SDK1: variants seen among roughly 807,000 people sequenced by gnomAD.
The protein encoded by SDK1 is sidekick cell adhesion molecule 1, also known as protein sidekick-1.
SDK1 carries 157 observed loss-of-function variants against 245.5 expected under a neutral mutation model. The ratio of observed to expected loss-of-function variants is 0.64; its 90% CI spans 0.56 to 0.73. SDK1 has a LOEUF of 0.73. Ranked by LOEUF, SDK1 falls within the 30% of genes least tolerant of loss-of-function variation. The pLI is 0.00. For missense variants in SDK1, 3,583 were observed against 3,002.3 expected (o/e 1.19, Z -4.52); for synonymous variants, 1,647 against 1,278.5 (o/e 1.29, Z -6.15).
chr7:3,736,978 G>C (rs942066393), intron 4 of SDK1, among the ~76,000 whole-genome samples: 10 of 152,174 alleles, frequency 6.6e-5, no homozygotes, highest in African/African-American at 2.4e-4. Flanking sequence ...CTGTTTCTAA[G>C]AGTTGTACTT....
intron 1 of SDK1, among the ~76,000 whole-genome samples, chr7:3,465,926 T>C (rs1281923515): frequency 6.6e-6 from 1 of 152,164 alleles, no homozygotes; most frequent in Non-Finnish European, 1.5e-5. Context: ...AAGTTGTCTG[T>C]GAATAAAAAG....
At chr7:4,233,129 G>T (rs759437626) in intron 40 of SDK1, 126 bp from the exon 41 acceptor site, 3 of 812,718 alleles carry the variant, frequency 3.7e-6, no homozygotes, top group East Asian at 2.5e-5. Flanking sequence ...CACTCACTCC[G>T]CATCCAGTGC....
At chr7:3,739,904 A>G (rs895520798) in intron 4 of SDK1, among the ~76,000 whole-genome samples, 18 of 152,174 alleles carry the variant, frequency 1.2e-4, no homozygotes, top group African/African-American at 2.7e-4. Context: ...TTCCTACCCT[A>G]TGCAGAATTT....
intron 5 of SDK1, among the ~76,000 whole-genome samples, chr7:3,879,160 C>T (rs550738280): frequency 1.3e-5 from 2 of 152,150 alleles, no homozygotes; most frequent in South Asian, 4.2e-4. Flanking sequence ...TTAAAACGAT[C>T]CACACCACTG....
chr7:3,643,089 C>G (rs11972207), intron 4 of SDK1: 39,985 of 151,978 alleles, frequency 0.26, 5,699 homozygotes, highest in African/African-American at 0.35. Context: ...TTGTGATTCT[C>G]ATCTCCAACC....
At chr7:3,476,955 G>A (rs1001384806) in intron 1 of SDK1, among the ~76,000 whole-genome samples, 1 of 152,018 alleles carries the variant, frequency 6.6e-6, no homozygotes, top group Non-Finnish European at 1.5e-5. Context: ...CGGAGACTCT[G>A]TAGGCGTGAG....
intron 5 of SDK1, among the ~76,000 whole-genome samples, chr7:3,893,828 C>G (rs946984883): frequency 1.3e-5 from 2 of 152,048 alleles, no homozygotes; most frequent in African/African-American, 4.8e-5. Context: ...CCCACCCTCA[C>G]CTTATCTGAC....
chr7:3,650,493 C>G (rs1436446333), intron 4 of SDK1, among the ~76,000 whole-genome samples: 1 of 152,146 alleles, frequency 6.6e-6, no homozygotes, highest in African/African-American at 2.4e-5. Flanking sequence ...AACGTAGTAT[C>G]TGAGATAATT....
rs373706508 is a variant in SDK1, at chr7:4,067,840, C to T, written c.2914C>T (p.Pro972Ser). The T allele has an allele frequency of 1.8e-5, 29 of 1,611,296 alleles. No individual in the cohort carries two copies. Among genetic ancestry groups the T allele is most frequent in the Non-Finnish European group, 2.3e-5 (27 of 1,178,574 alleles). ...PQLVWTQEDKPGAVGHLSFTE... is the reference protein window; with the variant it reads ...PQLVWTQEDKSGAVGHLSFTE... ...ATGACTTTGCTTTTAATTGGTAGAA[C>T]CAGGAGCTGTGGGACATCTGAGTTT... is the stretch of plus-strand genomic sequence containing the variant. The change falls in exon 20 of 45, where the codon CCA (proline) becomes TCA (serine). Residue 972 changes from proline to serine, a missense_variant and splice_region_variant. Physicochemically the swap from Pro to Ser is moderately conservative, Grantham distance 74. Transcript: ENST00000404826.
chr7:4,016,163 G>T (rs967019569), intron 16 of SDK1, among the ~76,000 whole-genome samples: 1 of 152,256 alleles, frequency 6.6e-6, no homozygotes, highest in Non-Finnish European at 1.5e-5. Context: ...CATGGAATCT[G>T]CAGAACCACA....
At chr7:3,467,816 A>T (rs182546190) in intron 1 of SDK1, among the ~76,000 whole-genome samples, 1 of 152,266 alleles carries the variant, frequency 6.6e-6, no homozygotes, top group African/African-American at 2.4e-5. Flanking sequence ...ATGGAAATTT[A>T]GTCTTTTTCC....
intron 28 of SDK1, among the ~76,000 whole-genome samples, chr7:4,133,749 G>A (rs1056965586): frequency 6.6e-6 from 1 of 152,162 alleles, no homozygotes; most frequent in Admixed American, 6.6e-5. Flanking sequence ...TTTTAAACTG[G>A]CCTGTTAGAG....
chr7:3,985,159 A>C (rs1258832490), intron 13 of SDK1, among the ~76,000 whole-genome samples: 1 of 152,232 alleles, frequency 6.6e-6, no homozygotes, highest in Non-Finnish European at 1.5e-5. Context: ...GCCCACCATG[A>C]GTCCACCCAA....
chr7:3,569,841 C>T (rs570393652), intron 1 of SDK1, among the ~76,000 whole-genome samples: 7 of 152,292 alleles, frequency 4.6e-5, no homozygotes, highest in African/African-American at 1.4e-4. Flanking sequence ...AGAGTCTGTC[C>T]TTTGTGACAC....
At chr7:3,425,210 G>C (rs191139894) in intron 1 of SDK1, among the ~76,000 whole-genome samples, 3 of 151,728 alleles carry the variant, frequency 2.0e-5, no homozygotes, top group Non-Finnish European at 2.9e-5. Context: ...CTGTTGAAGT[G>C]AAGTGAGCTC....
At chr7:4,123,721 C>T (rs1157051303) in intron 25 of SDK1, among the ~76,000 whole-genome samples, 1 of 152,222 alleles carries the variant, frequency 6.6e-6, no homozygotes, top group Non-Finnish European at 1.5e-5. Context: ...GGCATTATCT[C>T]CCTCCAAAAA....
chr7:4,129,739 C>A, intron 26 of SDK1, 169 bp from the exon 27 acceptor site: 1 of 1,431,296 alleles, frequency 7.0e-7, no homozygotes, highest in East Asian at 2.6e-5. Context: ...ACCTTCCTCC[C>A]CAAATGCCAG....
intron 1 of SDK1, among the ~76,000 whole-genome samples, chr7:3,472,024 A>G (rs376360472): frequency 1.1e-4 from 17 of 152,280 alleles, no homozygotes; most frequent in East Asian, 9.7e-4. Flanking sequence ...TGTAATCGGT[A>G]TGACCCTCTT....
intron 1 of SDK1, among the ~76,000 whole-genome samples, chr7:3,527,157 T>G (rs1783166114): frequency 6.6e-6 from 1 of 152,238 alleles, no homozygotes; most frequent in African/African-American, 2.4e-5. Context: ...TATACACATT[T>G]CTTTTAATGT....
Sources: allele counts gnomAD v4.1 joint callset (sites outside exome capture counted in the v4.1 genomes callset), GRCh38; gene constraint gnomAD v4.1.1; transcripts MANE v1.5; gene names NCBI Gene and HGNC (gene_info 2026-07-23, HGNC 2026-07-21).